CACTIN: variants seen among roughly 807,000 people sequenced by gnomAD.
CACTIN encodes the protein cactin, spliceosome C complex subunit.
In CACTIN, 20 loss-of-function variants were observed where a neutral mutation model predicts 84.9. The observed-to-expected ratio is 0.24, with a 90% CI of 0.17 to 0.34. The LOEUF (loss-of-function observed/expected upper bound fraction) is 0.34, where lower values mean the gene tolerates loss of function less well. CACTIN is among the 10% of genes least tolerant of loss of function. The probability of loss-of-function intolerance (pLI) is 1.00; values close to 1 mark genes in which losing one functional copy is unlikely to be tolerated. For missense variants in CACTIN, 897 were observed against 1,117.2 expected, an observed-to-expected ratio of 0.80 and a Z score of 2.81; for synonymous variants, 549 against 467.9, an observed-to-expected ratio of 1.17 and a Z score of -2.24.
At chr19:3,622,241 G>T (rs2033238667) in intron 2 of CACTIN, among the ~76,000 whole-genome samples, 1 of 151,776 alleles carries the variant, frequency 6.6e-6, no homozygotes, top group African/African-American at 2.4e-5. Context: ...GCACCCGCCT[G>T]TAATTCCAGC....
intron 7 of CACTIN, among the ~76,000 whole-genome samples, chr19:3,614,132 G>A (rs964733514): frequency 1.3e-5 from 2 of 152,290 alleles, no homozygotes; most frequent in South Asian, 4.1e-4. Context: ...GAAGCTCCTG[G>A]GGAGCCCTGT....
rs1008727375 is a variant in CACTIN at position 3,619,072 on chromosome 19, C to A, written c.1047+8G>T. 3 of 1,553,060 alleles carry A rather than the reference C, an allele frequency of 1.9e-6. No individual in the cohort carries two copies. The highest frequency in any genetic ancestry group is 1.4e-5 in the African/African-American group (1 of 73,150). Reference sequence around the variant, plus strand: ...CAGGTCAGAGGAGCATCGGGTGGGGCTGGGTACCTGGATATCCTCCAGCAG... The same window carrying A: ...CAGGTCAGAGGAGCATCGGGTGGGGATGGGTACCTGGATATCCTCCAGCAG... On this transcript the variant is annotated splice_region_variant and intron_variant, in intron 5 of 9. Coordinates refer to ENST00000429344, the MANE Select transcript of CACTIN (RefSeq NM_001080543.2).
rs1480638320 is a variant in CACTIN at position 3,615,188 on chromosome 19, T to C, written c.1163-599A>G. On this transcript the variant is annotated intron_variant, in intron 6 of 9. Coordinates refer to ENST00000429344, the MANE Select transcript of CACTIN (RefSeq NM_001080543.2). The surrounding 1 kb of genome is among the most constrained non-coding windows in gnomAD (Gnocchi z 5.2). ...AACAGCTCCCCACCGCCGCCCCCCA[T>C]CCTACATGGAGTCTGTCTGGCATCT... 3 of 163,932 alleles carry C rather than the reference T, an allele frequency of 1.8e-5. No homozygotes were observed. The highest frequency in any genetic ancestry group is 4.0e-5 in the Non-Finnish European group (3 of 74,400). 10.2% of individuals were successfully genotyped at this position (163,932 alleles called of 1,614,324 possible).
In CACTIN at chr19:3,615,723, C is replaced by T. The variant is rs950154018; in HGVS notation, c.1163-1134G>A. 1.3e-5 allele frequency: 2 copies of T among 152,292 alleles called. No homozygotes were observed. The highest frequency in any genetic ancestry group is 2.4e-5 in the African/African-American group (1 of 41,392). 9.4% of individuals were successfully genotyped at this position (152,292 alleles called of 1,614,324 possible). On this transcript the variant is annotated intron_variant, in intron 6 of 9. Coordinates refer to ENST00000429344, the MANE Select transcript of CACTIN (RefSeq NM_001080543.2). The surrounding 1 kb of genome is among the most constrained non-coding windows in gnomAD (Gnocchi z 5.2). ...ACCAGTGCAGGCACCCTGCTCGAGACCTGCCTTCTCCAGTCCCCGCTGGCG... is the reference window on the plus strand; with the variant it reads ...ACCAGTGCAGGCACCCTGCTCGAGATCTGCCTTCTCCAGTCCCCGCTGGCG...
intron 2 of CACTIN, 119 bp downstream of exon 2, chr19:3,623,569 G>A (rs1263848908): frequency 8.5e-6 from 7 of 828,368 alleles, no homozygotes; most frequent in African/African-American, 1.7e-5. Context: ...GCTTATGCGT[G>A]TGTGTGTAAA....
At chr19:3,612,627 T>C (rs1158948784) in intron 9 of CACTIN, among the ~76,000 whole-genome samples, 2 of 152,180 alleles carry the variant, frequency 1.3e-5, no homozygotes, top group African/African-American at 2.4e-5. Flanking sequence ...ATGTCTATCG[T>C]CCTCCTGGGT....
chr19:3,624,930 T>C (rs1377391434), intron 1 of CACTIN, among the ~76,000 whole-genome samples: 2 of 151,400 alleles, frequency 1.3e-5, no homozygotes, highest in Non-Finnish European at 2.9e-5. Flanking sequence ...AGAGTCTCCC[T>C]CTGTCACACA....
intron 3 of CACTIN, 94 bp downstream of exon 3, chr19:3,620,613 T>C: frequency 1.0e-6 from 1 of 979,468 alleles, no homozygotes; most frequent in East Asian, 2.5e-5. Flanking sequence ...CCCCCAGGAC[T>C]TCCCACTTAA....
At chr19:3,624,237 G>A (rs973427761) in intron 1 of CACTIN, 75 bp from the exon 2 acceptor site, 32 of 1,334,118 alleles carry the variant, frequency 2.4e-5, no homozygotes, top group Admixed American at 4.4e-5. Flanking sequence ...CTGGGTGCCC[G>A]TGGGGGAGCA....
chr19:3,613,040 C>G lies in CACTIN; in HGVS notation c.1786+18G>C. The G allele has an allele frequency of 1.3e-6, 2 of 1,494,732 alleles. No individual in the cohort carries two copies. The highest frequency in any genetic ancestry group is 1.8e-6 in the Non-Finnish European group (2 of 1,121,498). The allele number at this position is 1,494,732 out of a possible 1,614,324, so 92.6% of individuals were successfully genotyped here. The stretch of plus-strand genomic sequence containing the variant: ...CGCCCCACTGGCCCCACCCCCTGGC[C>G]TCCAGCCCCGCCCTTACCCGTGACC... On this transcript the variant is annotated intron_variant, in intron 9 of 9. Coordinates refer to ENST00000429344, the MANE Select transcript of CACTIN (RefSeq NM_001080543.2).
Position 3,611,768 on chromosome 19 carries a change from G to A in CACTIN, c.*155C>T, listed in dbSNP as rs1038813551. The A allele has an allele frequency of 2.5e-5, 24 of 974,752 alleles. No homozygotes were observed. Among genetic ancestry groups the A allele is most frequent in the Non-Finnish European group, 3.1e-5 (20 of 635,792 alleles). The allele number at this position is 974,752 out of a possible 1,614,324, so 60.4% of individuals were successfully genotyped here. The stretch of plus-strand genomic sequence containing the variant: ...ATGGTGACCCCCCTTTTATATAGGA[G>A]GAAACTGAGGCCTGGCGAAAGAAAG... On this transcript the variant is annotated 3_prime_UTR_variant, in exon 10 of 10. Coordinates refer to ENST00000429344, the MANE Select transcript of CACTIN (RefSeq NM_001080543.2).
intron 2 of CACTIN, among the ~76,000 whole-genome samples, chr19:3,622,363 C>CAA (rs34766613): frequency 0.022 from 1,948 of 87,614 alleles, 142 homozygotes; most frequent in African/African-American, 0.072. Context: ...GACTCCATCT[C>CAA]AAAAAAAAAA....
intron 2 of CACTIN, among the ~76,000 whole-genome samples, chr19:3,621,536 G>A (rs371275389): frequency 2.0e-5 from 3 of 152,186 alleles, no homozygotes; most frequent in Non-Finnish European, 2.9e-5. Flanking sequence ...AGACACCCGG[G>A]CCACTCTGTG....
chr19:3,613,532 C>T lies in CACTIN; in HGVS notation c.1410G>A (p.Gln470=), dbSNP rs1402215357. The T allele has an allele frequency of 1.9e-6, 3 of 1,598,984 alleles. No homozygotes were observed. Among genetic ancestry groups the T allele is most frequent in the Non-Finnish European group, 2.5e-6 (3 of 1,176,896 alleles). The change falls in exon 8 of 10, where the codon CAG becomes CAA. Residue 470 remains glutamine, a synonymous_variant. Coordinates refer to ENST00000429344, the MANE Select transcript of CACTIN (RefSeq NM_001080543.2). ...VLRQKLYKLK[Q]EQGVESEPLF... is the part of the protein sequence containing the mutation. ...GCGGCTCGCTCTCCACGCCCTGCTCCTGCTTCAGTTTGTACAGCTTCTGCC... is the reference window on the plus strand; with the variant it reads ...GCGGCTCGCTCTCCACGCCCTGCTCTTGCTTCAGTTTGTACAGCTTCTGCC...
intron 6 of CACTIN, among the ~76,000 whole-genome samples, chr19:3,618,179 G>GC (rs1555710379): frequency 6.4e-5 from 2 of 31,184 alleles, no homozygotes; most frequent in African/African-American, 1.7e-4. Context: ...TTTTAGACCG[G>GC]GGGGGGGGGG....
intron 2 of CACTIN, among the ~76,000 whole-genome samples, chr19:3,621,863 G>A (rs571562026): frequency 2.0e-5 from 3 of 152,310 alleles, no homozygotes; most frequent in Admixed American, 1.3e-4. Context: ...GGCGGAAGGA[G>A]CTCGTTGTGT....
At position 3,614,066 on chromosome 19, in the gene CACTIN, G is replaced by T. The variant is rs560516653; in HGVS notation, c.1355+331C>A. The T allele has an allele frequency of 2.5e-4, 127 of 501,270 alleles. 1 individual carries two copies. The highest frequency in any genetic ancestry group is 2.3e-3 in the African/African-American group (117 of 51,986). The allele number at this position is 501,270 out of a possible 1,614,324, so 31.1% of individuals were successfully genotyped here. A position where few individuals can be genotyped will look rare whatever the true frequency, so the allele number is the denominator to read the frequency against. On this transcript the variant is annotated intron_variant, in intron 7 of 9. Coordinates refer to ENST00000429344, the MANE Select transcript of CACTIN (RefSeq NM_001080543.2). ...GCAGTGGGGACAGGCAGGCCGCCTG[G>T]GGGCTTCCTGTGATGCCATGGCTGC...
intron 9 of CACTIN, chr19:3,612,818 G>C (rs1296439874): frequency 1.4e-6 from 1 of 709,738 alleles, no homozygotes; most frequent in African/African-American, 1.7e-5. Context: ...TCGGACAGCG[G>C]CCGGTAAAAG....
intron 2 of CACTIN, 121 bp from the exon 3 acceptor site, chr19:3,620,923 A>G (rs985735421): frequency 1.3e-6 from 1 of 757,320 alleles, no homozygotes. Flanking sequence ...ACCTGCCAGC[A>G]CTGCACGTCT....
Sources: gnomAD v4.1 joint callset for allele counts (sites outside exome capture counted in the v4.1 genomes callset) on GRCh38, gnomAD v4.1.1 for gene constraint, Gnocchi (gnomAD v3.1) non-coding constraint, MANE v1.5 for transcripts, NCBI Gene and HGNC (gene_info 2026-07-23, HGNC 2026-07-21) for gene names.